Variants in ZFYVE1 observed in about 807,000 individuals in gnomAD.
The protein encoded by ZFYVE1 is zinc finger FYVE domain-containing protein 1.
A neutral mutation model predicts 74.4 loss-of-function variants in ZFYVE1; 30 were observed. That is an observed-to-expected ratio of 0.40 (90% CI 0.30 to 0.55). The LOEUF (loss-of-function observed/expected upper bound fraction) is 0.55. ZFYVE1 is among the 20% of genes least tolerant of loss of function. The pLI is 0.42. For synonymous variants in ZFYVE1, 335 were observed against 385.1 expected (o/e 0.87, Z 1.52); for missense variants, 703 against 1,011.6 (o/e 0.69, Z 4.14).
Position 72,975,653 on chromosome 14 carries a change from A to G in ZFYVE1, c.1704T>C (p.Ala568=). Residue 568 remains alanine, a synonymous_variant, in exon 9 of 12, where the codon GCT becomes GCC. Coordinates refer to ENST00000556143, the MANE Select transcript of ZFYVE1 (RefSeq NM_021260.4). The surrounding 1 kb of genome is among the most constrained non-coding windows in gnomAD (Gnocchi z 4.1). The part of the protein sequence containing the change: ...QRLLDGMNFM[A]QSVSELSLGP... ...CAAGGCTAAGCTCGGACACCGACTG[A>G]GCCATGAAGTTCATCCCGTCCAACA... 6.2e-7 allele frequency: 1 copy of G among 1,614,202 alleles called. No homozygotes were observed.
At chr14:73,008,348 G>C (rs1000707207) in intron 2 of ZFYVE1, among the ~76,000 whole-genome samples, 3 of 152,030 alleles carry the variant, frequency 2.0e-5, no homozygotes, top group Admixed American at 2.0e-4. Context: ...TAGTAGAGAC[G>C]GGGTTTCTCC....
At chr14:73,003,169 C>T (rs1233870309) in intron 2 of ZFYVE1, among the ~76,000 whole-genome samples, 2 of 151,300 alleles carry the variant, frequency 1.3e-5, no homozygotes, top group African/African-American at 4.9e-5. Flanking sequence ...ATTCTCCTGC[C>T]TCAGCCTCCA....
intron 4 of ZFYVE1, among the ~76,000 whole-genome samples, chr14:72,990,450 G>T (rs906679606): frequency 4.0e-5 from 6 of 151,418 alleles, no homozygotes; most frequent in Admixed American, 6.6e-5. Context: ...AGGCTGGAGT[G>T]CGGTGGCAAG....
intron 3 of ZFYVE1, among the ~76,000 whole-genome samples, chr14:72,997,522 C>T (rs2140367258): frequency 6.6e-6 from 1 of 152,242 alleles, no homozygotes; most frequent in East Asian, 1.9e-4. Context: ...CTTGATCTCA[C>T]TCTGATCAAG....
intron 6 of ZFYVE1, among the ~76,000 whole-genome samples, chr14:72,978,566 CAAAAAAAAAAAAAAAAAA>C (rs58858186): frequency 7.9e-5 from 4 of 50,952 alleles, no homozygotes; most frequent in Admixed American, 6.3e-4. Flanking sequence ...GACTCTGTCT[CAAAAAAAAAAAAAAAAAA>C]AAAAAAAAAA....
At chr14:73,009,761 GAAACA>G (rs989583749) in intron 2 of ZFYVE1, among the ~76,000 whole-genome samples, 1 of 151,808 alleles carries the variant, frequency 6.6e-6, no homozygotes, top group African/African-American at 2.4e-5. Context: ...ATCTCAAAAC[GAAACA>G]AAACAAAACT....
intron 2 of ZFYVE1, among the ~76,000 whole-genome samples, chr14:73,010,800 C>A (rs1396331552): frequency 2.6e-4 from 33 of 128,384 alleles, no homozygotes; most frequent in African/African-American, 2.6e-4. Flanking sequence ...AAACCACACA[C>A]AAAACAAAAA....
At chr14:73,010,456 C>T (rs1231016955) in intron 2 of ZFYVE1, among the ~76,000 whole-genome samples, 3 of 152,150 alleles carry the variant, frequency 2.0e-5, no homozygotes, top group East Asian at 3.9e-4. Context: ...ACAAAATTAG[C>T]TGGCTGTGGT....
At chr14:72,999,186 T>C (rs1002978106) in intron 2 of ZFYVE1, among the ~76,000 whole-genome samples, 3 of 151,946 alleles carry the variant, frequency 2.0e-5, no homozygotes, top group Admixed American at 2.0e-4. Context: ...CCCAACACTT[T>C]GTGAGGCCAA....
At position 72,981,669 on chromosome 14, in the gene ZFYVE1, A is replaced by G. The variant is rs558702770; in HGVS notation, c.1310+120T>C. ...TGTACCATTTTGGATAATTTAAATC[A>G]GAACCTGTAATTTAGCAAGATCCCA... On this transcript the variant is annotated intron_variant, in intron 5 of 11. Transcript: ENST00000556143. 11 of 931,584 alleles carry G rather than the reference A, an allele frequency of 1.2e-5. No individual in the cohort carries two copies. The East Asian group carries it at 1.7e-4, about 14-fold the overall frequency. 57.7% of individuals were successfully genotyped at this position (931,584 alleles called of 1,614,324 possible). A position where few individuals can be genotyped will look rare whatever the true frequency, so the allele number is the denominator to read the frequency against.
intron 2 of ZFYVE1, among the ~76,000 whole-genome samples, chr14:73,014,939 G>C (rs1894158826): frequency 6.6e-6 from 1 of 152,054 alleles, no homozygotes; most frequent in Admixed American, 6.6e-5. Context: ...TTGTGGTAAA[G>C]AATTCCCATA....
At chr14:73,022,243 CTG>C (rs1312202111) in intron 2 of ZFYVE1, among the ~76,000 whole-genome samples, 3 of 152,178 alleles carry the variant, frequency 2.0e-5, no homozygotes, top group African/African-American at 4.8e-5. Context: ...TAAAGAAAAT[CTG>C]TGTTAGCAAA....
chr14:72,979,239 T>C (rs1893260886), intron 5 of ZFYVE1: 4 of 372,878 alleles, frequency 1.1e-5, no homozygotes, highest in Non-Finnish European at 2.0e-5. Flanking sequence ...GTGGCTCACG[T>C]CTGTAATCCC....
Position 72,977,930 on chromosome 14 carries a change from A to G in ZFYVE1, c.1632T>C (p.Pro544=). ...VVRTEIVHVW[P]GTDGFLKDNN... is the part of the protein sequence containing the mutation. ...AGAGAAATCCAACAGTTCTTACTCC[A>G]GGCCACACATGCACAATCTCTGTCC... is the stretch of plus-strand genomic sequence containing the variant. The change falls in exon 8 of 12, where the codon CCT becomes CCC. Residue 544 remains proline (P), a synonymous_variant. Transcript: ENST00000556143. 1 of 1,614,172 alleles carries G rather than the reference A, an allele frequency of 6.2e-7. No homozygotes were observed. The highest frequency in any genetic ancestry group is 8.5e-7 in the Non-Finnish European group (1 of 1,179,996).
rs1261149538 is a variant in ZFYVE1, at chr14:72,981,958, C to A, written c.1204-63G>T. 3.6e-6 allele frequency: 5 copies of A among 1,396,180 alleles called. No homozygotes were observed. In the Admixed American group the frequency reaches 8.6e-5, roughly 24 times the overall value. The allele number at this position is 1,396,180 out of a possible 1,614,324, so 86.5% of individuals were successfully genotyped here. ...TAGAGAGCTCCGCACTTTGGCCCCCCACTGCAGGCACCGTACAAGCAACAC... is the reference window on the plus strand; with the variant it reads ...TAGAGAGCTCCGCACTTTGGCCCCCAACTGCAGGCACCGTACAAGCAACAC... On this transcript the variant is annotated intron_variant, in intron 4 of 11. Coordinates refer to ENST00000556143, the MANE Select transcript of ZFYVE1 (RefSeq NM_021260.4).
intron 4 of ZFYVE1, among the ~76,000 whole-genome samples, chr14:72,987,837 G>GA (rs35097932): frequency 6.6e-6 from 1 of 152,004 alleles, no homozygotes; most frequent in East Asian, 1.9e-4. Flanking sequence ...AAGCCAGCTA[G>GA]AAAAAAAGGG....
chr14:72,980,541 ATTT>A (rs56061721), intron 5 of ZFYVE1, among the ~76,000 whole-genome samples: 1,911 of 117,086 alleles, frequency 0.016, 42 homozygotes, highest in African/African-American at 0.05. Context: ...TAATTAATTT[ATTT>A]ATTTATTTAT....
At chr14:72,986,151 A>C (rs1375008605) in intron 4 of ZFYVE1, among the ~76,000 whole-genome samples, 1 of 152,234 alleles carries the variant, frequency 6.6e-6, no homozygotes, top group African/African-American at 2.4e-5. Context: ...TCTTCAGAGA[A>C]ATGGGGGCAT....
rs570710532 is a variant in ZFYVE1, at chr14:72,989,947, A to G, written c.1203+3196T>C. On this transcript the variant is annotated intron_variant, in intron 4 of 11. Transcript: ENST00000556143. Reference sequence around the variant, plus strand: ...TCAAGGCTACTAATAAAAAAAAATTAATACAACAGCATAAAACAAAATAAA... The same window carrying G: ...TCAAGGCTACTAATAAAAAAAAATTGATACAACAGCATAAAACAAAATAAA... 5.9e-5 allele frequency among the ~76,000 whole-genome samples: 9 copies of G among 152,342 alleles called. No individual in the cohort carries two copies. The East Asian group carries it at 1.5e-3, about 26-fold the overall frequency.
Sources: allele counts gnomAD v4.1 joint callset (sites outside exome capture counted in the v4.1 genomes callset), GRCh38; gene constraint gnomAD v4.1.1; non-coding constraint Gnocchi (gnomAD v3.1); transcripts MANE v1.5; gene names NCBI Gene and HGNC (gene_info 2026-07-23, HGNC 2026-07-21).